Variants in SLC10A2 observed in about 807,000 individuals in gnomAD.
SLC10A2 encodes the protein solute carrier family 10 member 2, also known as ileal sodium/bile acid cotransporter.
In SLC10A2, 34 loss-of-function variants were observed where a neutral mutation model predicts 27.1. That is an observed-to-expected ratio of 1.26 (90% CI 0.96 to 1.67). The LOEUF (loss-of-function observed/expected upper bound fraction) is 1.67, where lower values mean the gene tolerates loss of function less well. Ranked by LOEUF, SLC10A2 falls within the 40% of genes most tolerant of loss-of-function variation. The probability of loss-of-function intolerance (pLI) is 0.00; values close to 1 mark genes in which losing one functional copy is unlikely to be tolerated. For synonymous variants in SLC10A2, 205 were observed against 174.0 expected, an observed-to-expected ratio of 1.18 and a Z score of -1.40; for missense variants, 530 against 444.4, an observed-to-expected ratio of 1.19 and a Z score of -1.73.
chr13:103,058,494 ATGTT>A, intron 1 of SLC10A2, 112 bp from the exon 2 acceptor site: 1 of 713,742 alleles, frequency 1.4e-6, no homozygotes, highest in East Asian at 2.7e-5. Context: ...GTATATGTGC[ATGTT>A]TGTTATATAG....
intron 2 of SLC10A2, among the ~76,000 whole-genome samples, chr13:103,054,787 C>T (rs1464707815): frequency 7.2e-5 from 11 of 152,082 alleles, no homozygotes; most frequent in African/African-American, 2.7e-4. Context: ...TGTGTGGCTT[C>T]TGCTTGTAGA....
At chr13:103,050,520 C>T (rs1875747328) in intron 4 of SLC10A2, among the ~76,000 whole-genome samples, 1 of 152,182 alleles carries the variant, frequency 6.6e-6, no homozygotes, top group African/African-American at 2.4e-5. Flanking sequence ...CACCCTGCTG[C>T]CAGCTGGAGG....
Position 103,048,930 on chromosome 13 carries a change from A to G in SLC10A2, c.919+359T>C, listed in dbSNP as rs191816401. Among the ~76,000 whole-genome samples the G allele has an allele frequency of 2.0e-5, 3 of 152,358 alleles. No individual in the cohort carries two copies. The East Asian group carries it at 5.8e-4, about 29-fold the overall frequency. On this transcript the variant is annotated intron_variant, in intron 5 of 5. Transcript: ENST00000245312. ...TATCCTATATTTATAAAGCATATCA[A>G]GACAATGTTTTGAAAAAGATCACCA...
intron 2 of SLC10A2, among the ~76,000 whole-genome samples, chr13:103,056,522 G>A (rs1185363219): frequency 6.6e-6 from 1 of 152,064 alleles, no homozygotes; most frequent in Middle Eastern, 3.2e-3. Flanking sequence ...ATATCAAAAG[G>A]AGAATATTTT....
chr13:103,050,127 C>T (rs1026037300), intron 4 of SLC10A2, among the ~76,000 whole-genome samples: 9 of 152,122 alleles, frequency 5.9e-5, no homozygotes, highest in South Asian at 2.1e-4. Flanking sequence ...CCAGCCTGGG[C>T]GACAGAATGA....
chr13:103,060,683 G>A (rs2138923570), intron 1 of SLC10A2, among the ~76,000 whole-genome samples: 1 of 152,114 alleles, frequency 6.6e-6, no homozygotes, highest in African/African-American at 2.4e-5. Flanking sequence ...GCATCTCTCT[G>A]CTGTGATCAT....
At position 103,065,958 on chromosome 13, in the gene SLC10A2, C is replaced by G; in HGVS notation, c.292G>C (p.Val98Leu). 2.5e-6 allele frequency: 4 copies of G among 1,614,144 alleles called. No homozygotes were observed. The highest frequency in any genetic ancestry group is 3.4e-6 in the Non-Finnish European group (4 of 1,179,988). Residue 98 changes from valine (V) to leucine (L), a missense_variant, in exon 1 of 6, where the codon GTA becomes CTA. Val to Leu is a conservative substitution (Grantham distance 32). Coordinates refer to ENST00000245312, the MANE Select transcript of SLC10A2 (RefSeq NM_000452.3). ...VAFDILPLQA[V>L]VVLIIGCCPG... Reference sequence around the variant, plus strand: ...CAGCATCCTATAATGAGCACCACTACGGCCTGGAGCGGGAGGATGTCAAAG... The same window carrying G: ...CAGCATCCTATAATGAGCACCACTAGGGCCTGGAGCGGGAGGATGTCAAAG...
At chr13:103,048,431 AAAG>A (rs1243880371) in intron 5 of SLC10A2, among the ~76,000 whole-genome samples, 1 of 151,924 alleles carries the variant, frequency 6.6e-6, no homozygotes, top group East Asian at 1.9e-4. Context: ...GAAAAAAAGA[AAAG>A]AGAGAGAGAG....
At chr13:103,065,831 C>T in intron 1 of SLC10A2, 42 bp downstream of exon 1, 1 of 1,611,714 alleles carries the variant, frequency 6.2e-7, no homozygotes, top group Non-Finnish European at 8.5e-7. Context: ...GGAAGGATTA[C>T]TCCAAGGTGA....
chr13:103,052,415 C>A lies in SLC10A2; in HGVS notation c.585+205G>T, dbSNP rs537754955. Among the ~76,000 whole-genome samples the A allele has an allele frequency of 4.5e-4, 65 of 145,050 alleles. 1 individual carries two copies. The South Asian group carries it at 0.013, about 30-fold the overall frequency. On this transcript the variant is annotated intron_variant, in intron 3 of 5. Transcript: ENST00000245312. ...CTTGAGCACAGGAGTTCAAGAACAG[C>A]ATTAGCAACATAGTGAGATCCCACC...
At chr13:103,063,902 G>A (rs974452540) in intron 1 of SLC10A2, among the ~76,000 whole-genome samples, 1 of 152,326 alleles carries the variant, frequency 6.6e-6, no homozygotes, top group South Asian at 2.1e-4. Flanking sequence ...AAATGATAGA[G>A]AGATGGCTGT....
At position 103,058,398 on chromosome 13, in the gene SLC10A2, C is replaced by A; in HGVS notation, c.378-16G>T. ...CATGCTGACGCTGAAAGGCAATGGGCAGATTGATACATCCACCTGTGGTGT... is the reference window on the plus strand; with the variant it reads ...CATGCTGACGCTGAAAGGCAATGGGAAGATTGATACATCCACCTGTGGTGT... On this transcript the variant is annotated splice_polypyrimidine_tract_variant and intron_variant, in intron 1 of 5. Coordinates refer to ENST00000245312, the MANE Select transcript of SLC10A2 (RefSeq NM_000452.3). 1.5e-6 allele frequency: 2 copies of A among 1,362,594 alleles called. No homozygotes were observed. The highest frequency in any genetic ancestry group is 1.4e-5 in the African/African-American group (1 of 69,814). The allele number at this position is 1,362,594 out of a possible 1,614,324, so 84.4% of individuals were successfully genotyped here.
Position 103,045,859 on chromosome 13 carries a change from T to C in SLC10A2, c.*274A>G, listed in dbSNP as rs1595436286. 1 of 282,070 alleles carries C rather than the reference T, an allele frequency of 3.5e-6. No individual in the cohort carries two copies. The highest frequency in any genetic ancestry group is 7.7e-5 in the East Asian group (1 of 12,996). 17.5% of individuals were successfully genotyped at this position (282,070 alleles called of 1,614,324 possible). On this transcript the variant is annotated 3_prime_UTR_variant, in exon 6 of 6. Transcript: ENST00000245312. ...GGTGTTCCCTATGTCAGGTTTAGTCTGAGAATATTTTGGGGGAATATTTCA... is the reference window on the plus strand; with the variant it reads ...GGTGTTCCCTATGTCAGGTTTAGTCCGAGAATATTTTGGGGGAATATTTCA...
chr13:103,066,150 G>T lies in SLC10A2; in HGVS notation c.100C>A (p.Leu34Ile), dbSNP rs185272768. The T allele has an allele frequency of 1.9e-6, 3 of 1,614,088 alleles. No homozygotes were observed. In the African/African-American group the frequency reaches 4.0e-5, roughly 22 times the overall value. The change falls in exon 1 of 6, where the codon CTA (leucine) becomes ATA (isoleucine). Residue 34 changes from leucine to isoleucine, a missense_variant. Coordinates refer to ENST00000245312, the MANE Select transcript of SLC10A2 (RefSeq NM_000452.3). ...SNFNNILSVV[L>I]STVLTILLAL... ...AACAGGATGGTCAGCACCGTACTTA[G>T]GACCACACTTAGGATGTTATTGAAA... is the stretch of plus-strand genomic sequence containing the variant.
At chr13:103,051,925 A>G (rs539535565) in intron 3 of SLC10A2, among the ~76,000 whole-genome samples, 29 of 147,340 alleles carry the variant, frequency 2.0e-4, no homozygotes, top group East Asian at 5.9e-4. Flanking sequence ...GTATAAGCAA[A>G]TGAAAACCAC....
intron 1 of SLC10A2, among the ~76,000 whole-genome samples, chr13:103,065,071 T>C (rs1329488969): frequency 2.6e-5 from 4 of 152,236 alleles, no homozygotes; most frequent in Non-Finnish European, 4.4e-5. Flanking sequence ...TCAAGGGAAA[T>C]GAGGAATTGT....
In SLC10A2 at chr13:103,046,275, A is replaced by G; in HGVS notation, c.920-15T>C. Reference sequence around the variant, plus strand: ...TGCCACATAAACTAGAAAACAATACACAGACAGTTAAGTAAATTTTATAAT... The same window carrying G: ...TGCCACATAAACTAGAAAACAATACGCAGACAGTTAAGTAAATTTTATAAT... On this transcript the variant is annotated splice_polypyrimidine_tract_variant and intron_variant, in intron 5 of 5. Transcript: ENST00000245312. 6.2e-7 allele frequency: 1 copy of G among 1,600,882 alleles called. No homozygotes were observed. The highest frequency in any genetic ancestry group is 8.6e-7 in the Non-Finnish European group (1 of 1,169,202).
rs777025911 is a variant in SLC10A2 at position 103,052,693 on chromosome 13, G to A, written c.512C>T (p.Ser171Phe). Reference sequence around the variant, plus strand: ...TCCAATGGAAACAGGAACAACGAGAGAAACCAGAGATGTACCTAAAGATGA... The same window carrying A: ...TCCAATGGAAACAGGAACAACGAGAAAAACCAGAGATGTACCTAAAGATGA... ...PYDNIGTSLV[S>F]LVVPVSIGMF... The change falls in exon 3 of 6, where the codon TCT becomes TTT. Residue 171 changes from serine (S) to phenylalanine (F), a missense_variant. Ser to Phe is a radical substitution (Grantham distance 155). Transcript: ENST00000245312. 1 of 1,606,768 alleles carries A rather than the reference G, an allele frequency of 6.2e-7. No individual in the cohort carries two copies. The highest frequency in any genetic ancestry group is 8.5e-7 in the Non-Finnish European group (1 of 1,173,444).
chr13:103,048,821 A>G (rs1406797786), intron 5 of SLC10A2, among the ~76,000 whole-genome samples: 3 of 152,242 alleles, frequency 2.0e-5, no homozygotes, highest in African/African-American at 7.2e-5. Flanking sequence ...ATATATATAT[A>G]CATGCATATA....
Sources: allele counts gnomAD v4.1 joint callset (sites outside exome capture counted in the v4.1 genomes callset), GRCh38; gene constraint gnomAD v4.1.1; transcripts MANE v1.5; gene names NCBI Gene and HGNC (gene_info 2026-07-23, HGNC 2026-07-21).